Variants in WDR36 observed in about 807,000 individuals in gnomAD.
WDR36 encodes WD repeat domain 36, also known as WD repeat-containing protein 36.
WDR36 carries 63 observed loss-of-function variants against 112.7 expected under a neutral mutation model. The observed-to-expected ratio is 0.56, with a 90% CI of 0.46 to 0.69. The LOEUF (loss-of-function observed/expected upper bound fraction) is 0.69, where lower values mean the gene tolerates loss of function less well. Among genes scored for constraint, WDR36 ranks in the 30% least tolerant of loss-of-function variants. WDR36 has a pLI of 0.00. For synonymous variants in WDR36, 410 were observed against 362.2 expected (o/e 1.13, Z -1.50); for missense variants, 1,226 against 1,070.3 (o/e 1.15, Z -2.03).
intron 22 of WDR36, among the ~76,000 whole-genome samples, chr5:111,126,324 A>C (rs930825642): frequency 2.0e-5 from 3 of 151,942 alleles, no homozygotes; most frequent in Admixed American, 6.6e-5. Flanking sequence ...TGTTACTTTT[A>C]TGATTAATAT....
chr5:111,097,830 A>G (rs982333683), intron 3 of WDR36, among the ~76,000 whole-genome samples: 4 of 152,178 alleles, frequency 2.6e-5, no homozygotes, highest in African/African-American at 4.8e-5. Context: ...CTTGTCAGGG[A>G]CTTGGAGTGA....
chr5:111,098,196 G>C (rs1012681979), intron 3 of WDR36, among the ~76,000 whole-genome samples: 7 of 152,242 alleles, frequency 4.6e-5, no homozygotes, highest in African/African-American at 1.7e-4. Context: ...CAGTGTTACT[G>C]GAATCTAGTG....
At chr5:111,102,065 C>T (rs917198915) in intron 5 of WDR36, among the ~76,000 whole-genome samples, 18 of 151,376 alleles carry the variant, frequency 1.2e-4, no homozygotes, top group African/African-American at 4.4e-4. Flanking sequence ...TTTACTGTAG[C>T]CTGTAATATA....
intron 12 of WDR36, 123 bp downstream of exon 12, chr5:111,107,562 G>T: frequency 7.5e-7 from 1 of 1,327,592 alleles, no homozygotes; most frequent in Non-Finnish European, 1.0e-6. Flanking sequence ...TTAAAGCATT[G>T]CATAACCCAA....
chr5:111,104,877 G>C (rs1206977985), intron 9 of WDR36, 60 bp downstream of exon 9: 1 of 1,606,030 alleles, frequency 6.2e-7, no homozygotes, highest in Non-Finnish European at 8.5e-7. Context: ...TGGGTGCCCA[G>C]TATGAGGTTT....
At chr5:111,110,365 CT>C in intron 13 of WDR36, 62 bp downstream of exon 13, 1 of 1,334,004 alleles carries the variant, frequency 7.5e-7, no homozygotes, top group Admixed American at 1.7e-5. Context: ...GTAGTGAAAG[CT>C]GGTATGTATA....
chr5:111,101,658 A>T (rs1753123985), intron 5 of WDR36, among the ~76,000 whole-genome samples: 1 of 151,828 alleles, frequency 6.6e-6, no homozygotes, highest in Non-Finnish European at 1.5e-5. Context: ...ATATTTGACC[A>T]TCCAAATTGT....
At chr5:111,105,735 C>T (rs180712633) in intron 10 of WDR36, among the ~76,000 whole-genome samples, 2 of 151,488 alleles carry the variant, frequency 1.3e-5, no homozygotes, top group East Asian at 3.9e-4. Context: ...ATTCTCTTTC[C>T]CTTTTCATGG....
rs1753545206 is a variant in WDR36, at chr5:111,120,609, C to G, written c.2002+16C>G. Reference sequence around the variant, plus strand: ...CAAACCCAAGGTAATTAGAAAATTGCAAAGTAATTTTTGAGGTGTAATATT... The same window carrying G: ...CAAACCCAAGGTAATTAGAAAATTGGAAAGTAATTTTTGAGGTGTAATATT... On this transcript the variant is annotated intron_variant, in intron 18 of 22. Transcript: ENST00000513710. 6.3e-7 allele frequency: 1 copy of G among 1,592,442 alleles called. No homozygotes were observed. Among genetic ancestry groups the G allele is most frequent in the Non-Finnish European group, 8.6e-7 (1 of 1,160,876 alleles).
chr5:111,098,169 G>A (rs1753034362), intron 3 of WDR36, among the ~76,000 whole-genome samples: 1 of 152,130 alleles, frequency 6.6e-6, no homozygotes, highest in Non-Finnish European at 1.5e-5. Context: ...TAAGGCCAAA[G>A]GGCCAAGGAG....
chr5:111,098,031 T>A (rs531866160), intron 3 of WDR36, among the ~76,000 whole-genome samples: 1 of 152,346 alleles, frequency 6.6e-6, no homozygotes, highest in South Asian at 2.1e-4. Context: ...ATGTATAACC[T>A]ATATGTGGTT....
At chr5:111,119,578 A>G (rs1049838251) in intron 17 of WDR36, among the ~76,000 whole-genome samples, 8 of 152,166 alleles carry the variant, frequency 5.3e-5, no homozygotes, top group African/African-American at 1.9e-4. Context: ...GTGTAAAGAT[A>G]CTTCAAATTC....
In WDR36 at chr5:111,128,373, G is replaced by A. The variant is rs1390311379; in HGVS notation, c.*1490G>A. The A allele has an allele frequency of 2.2e-5, 4 of 184,254 alleles. No individual in the cohort carries two copies. Among genetic ancestry groups the A allele is most frequent in the Non-Finnish European group, 4.6e-5 (4 of 86,732 alleles). The allele number at this position is 184,254 out of a possible 1,614,324, so 11.4% of individuals were successfully genotyped here. ...AACTACTAAGGAAATAAGCCAATGT[G>A]GTTATTGTACTCAATTTCGTTTTTC... On this transcript the variant is annotated 3_prime_UTR_variant, in exon 23 of 23. Transcript: ENST00000513710.
intron 15 of WDR36, among the ~76,000 whole-genome samples, chr5:111,111,708 A>G (rs1030326855): frequency 2.6e-5 from 4 of 151,876 alleles, no homozygotes; most frequent in South Asian, 2.1e-4. Flanking sequence ...GAGTTTACAT[A>G]TCTTAACTCT....
At chr5:111,110,980 C>T in intron 14 of WDR36, 27 bp downstream of exon 14, 1 of 1,609,242 alleles carries the variant, frequency 6.2e-7, no homozygotes, top group African/African-American at 1.3e-5. Flanking sequence ...AATGGATTTT[C>T]TCTTTGATTC....
intron 16 of WDR36, among the ~76,000 whole-genome samples, chr5:111,114,583 C>G (rs1436724592): frequency 6.6e-6 from 1 of 152,066 alleles, no homozygotes; most frequent in Admixed American, 6.6e-5. Flanking sequence ...GACCTTTGTC[C>G]ACAGGTTTGT....
At chr5:111,095,607 A>G (rs1752957882) in intron 2 of WDR36, among the ~76,000 whole-genome samples, 1 of 152,228 alleles carries the variant, frequency 6.6e-6, no homozygotes, top group Non-Finnish European at 1.5e-5. Flanking sequence ...GAGAGCCAAC[A>G]TGACGTTAAC....
intron 11 of WDR36, 129 bp downstream of exon 11, chr5:111,106,272 G>A: frequency 3.7e-6 from 3 of 810,462 alleles, no homozygotes; most frequent in South Asian, 2.9e-5. Context: ...GTAACCCCAG[G>A]TGCATGCTGG....
intron 19 of WDR36, among the ~76,000 whole-genome samples, chr5:111,122,652 C>A (rs1753591281): frequency 6.6e-6 from 1 of 152,140 alleles, no homozygotes; most frequent in Non-Finnish European, 1.5e-5. Flanking sequence ...CTACAGTTTG[C>A]GGTGCTTTGT....
Sources: allele counts gnomAD v4.1 joint callset (sites outside exome capture counted in the v4.1 genomes callset), GRCh38; gene constraint gnomAD v4.1.1; transcripts MANE v1.5; gene names NCBI Gene and HGNC (gene_info 2026-07-23, HGNC 2026-07-21).